NPAS3: variants seen among roughly 807,000 people sequenced by gnomAD.
NPAS3 encodes neuronal PAS domain-containing protein 3.
Under a neutral mutation model 73.1 loss-of-function variants are expected in NPAS3, and 14 were observed. That is an observed-to-expected ratio of 0.19 (90% CI 0.13 to 0.30). The LOEUF (loss-of-function observed/expected upper bound fraction) is 0.30, where lower values mean the gene tolerates loss of function less well. NPAS3 is among the 10% of genes least tolerant of loss of function. NPAS3 has a pLI of 1.00. For missense variants in NPAS3, 1,096 were observed against 1,250.0 expected (o/e 0.88, Z 1.86); for synonymous variants, 620 against 541.5 (o/e 1.14, Z -2.01).
chr14:33,052,457 T>C (rs1247898782), intron 1 of NPAS3, among the ~76,000 whole-genome samples: 1 of 152,190 alleles, frequency 6.6e-6, no homozygotes, highest in African/African-American at 2.4e-5. Flanking sequence ...ATATTAGATA[T>C]ACTCATCCTA....
intron 1 of NPAS3, among the ~76,000 whole-genome samples, chr14:32,944,073 C>T (rs1287627778): frequency 1.3e-5 from 2 of 152,194 alleles, no homozygotes; most frequent in Non-Finnish European, 2.9e-5. Context: ...TCCTTAAGTG[C>T]TTTACTATTA....
chr14:33,690,645 G>A (rs903886833), intron 6 of NPAS3, among the ~76,000 whole-genome samples: 2 of 151,926 alleles, frequency 1.3e-5, no homozygotes, highest in Admixed American at 6.6e-5. Flanking sequence ...GTAAAAGAGA[G>A]GCAGAAACCC....
chr14:33,143,613 G>A (rs1043385805), intron 2 of NPAS3, among the ~76,000 whole-genome samples: 1 of 152,124 alleles, frequency 6.6e-6, no homozygotes, highest in African/African-American at 2.4e-5. Context: ...GAACAATTTA[G>A]TGGCATTAGT....
At chr14:33,309,299 T>A (rs1195523063) in intron 3 of NPAS3, among the ~76,000 whole-genome samples, 2 of 152,202 alleles carry the variant, frequency 1.3e-5, no homozygotes, top group Non-Finnish European at 2.9e-5. Flanking sequence ...TGCAGTCTGC[T>A]CACTCAACTG....
intron 5 of NPAS3, among the ~76,000 whole-genome samples, chr14:33,632,538 G>T (rs192248742): frequency 5.5e-4 from 83 of 152,260 alleles, no homozygotes; most frequent in Admixed American, 1.3e-3. Flanking sequence ...ATGGGTAACT[G>T]AAGTATCCCA....
intron 5 of NPAS3, among the ~76,000 whole-genome samples, chr14:33,638,497 C>T (rs956557803): frequency 6.6e-6 from 1 of 152,250 alleles, no homozygotes; most frequent in Admixed American, 6.5e-5. Flanking sequence ...AAAATAATAA[C>T]ACCAGCTGTG....
chr14:33,583,075 C>G lies in NPAS3; in HGVS notation c.558+22865C>G, dbSNP rs368670012. On this transcript the variant is annotated intron_variant, in intron 5 of 11. Coordinates refer to ENST00000356141, the Ensembl canonical transcript of NPAS3. Reference sequence around the variant, plus strand: ...ACAGAAAGCCCTAGTCTTCTGACACCTTACTTATCACTGTGGGTTGGTGGG... The same window carrying G: ...ACAGAAAGCCCTAGTCTTCTGACACGTTACTTATCACTGTGGGTTGGTGGG... 7.0e-3 allele frequency among the ~76,000 whole-genome samples: 1,033 copies of G among 147,922 alleles called. 13 individuals are homozygous for G. Among genetic ancestry groups the G allele is most frequent in the African/African-American group, 0.025 (991 of 39,048 alleles).
At chr14:33,393,672 G>A (rs1255701690) in intron 4 of NPAS3, among the ~76,000 whole-genome samples, 1 of 152,100 alleles carries the variant, frequency 6.6e-6, no homozygotes, top group African/African-American at 2.4e-5. Flanking sequence ...GCAAAAGAAG[G>A]GCCCCTTGCT....
intron 2 of NPAS3, among the ~76,000 whole-genome samples, chr14:33,147,779 A>G (rs1349140853): frequency 6.8e-6 from 1 of 147,968 alleles, no homozygotes; most frequent in Non-Finnish European, 1.5e-5. Context: ...TTGGATTAAA[A>G]AAAGTATGCA....
intron 5 of NPAS3, among the ~76,000 whole-genome samples, chr14:33,641,745 C>T (rs530665738): frequency 1.3e-5 from 2 of 152,094 alleles, no homozygotes; most frequent in African/African-American, 4.8e-5. Context: ...CTGACACTTC[C>T]TTTCATGAAA....
chr14:33,180,012 T>C (rs2045733789), intron 2 of NPAS3, among the ~76,000 whole-genome samples: 1 of 152,182 alleles, frequency 6.6e-6, no homozygotes, highest in African/African-American at 2.4e-5. Flanking sequence ...CCCAGGAAGA[T>C]GTTTGCCCTC....
chr14:32,938,486 T>A (rs7148873), upstream of NPAS3, among the ~76,000 whole-genome samples: 13,380 of 55,708 alleles, frequency 0.24, 1,341 homozygotes, highest in East Asian at 0.45. Flanking sequence ...AGAGAGAAAT[T>A]GAGAGAGAGA....
chr14:33,290,610 T>C (rs2042061077), intron 3 of NPAS3, among the ~76,000 whole-genome samples: 1 of 152,250 alleles, frequency 6.6e-6, no homozygotes, highest in Non-Finnish European at 1.5e-5. Context: ...TATAATCAAC[T>C]GGTTGTTAGT....
At chr14:33,744,892 G>A (rs532578987) in intron 7 of NPAS3, among the ~76,000 whole-genome samples, 11 of 152,194 alleles carry the variant, frequency 7.2e-5, no homozygotes, top group African/African-American at 2.2e-4. Context: ...TTGGAAAAAT[G>A]GCAGCAATGA....
chr14:33,119,137 T>C (rs965497543), intron 2 of NPAS3, among the ~76,000 whole-genome samples: 7 of 152,072 alleles, frequency 4.6e-5, no homozygotes, highest in Non-Finnish European at 1.0e-4. Context: ...AGGCAAGCAG[T>C]TGGTATCATG....
chr14:33,431,723 C>A (rs896208527), intron 4 of NPAS3, among the ~76,000 whole-genome samples: 3 of 152,008 alleles, frequency 2.0e-5, no homozygotes, highest in Admixed American at 2.0e-4. Context: ...GTAAGGTTGA[C>A]CTGAATGAAG....
chr14:33,682,130 G>A (rs913290560), intron 6 of NPAS3, among the ~76,000 whole-genome samples: 1 of 152,180 alleles, frequency 6.6e-6, no homozygotes, highest in African/African-American at 2.4e-5. Flanking sequence ...TTATCAAACT[G>A]TAAACACACA....
At chr14:33,507,104 G>A (rs2052802561) in intron 4 of NPAS3, among the ~76,000 whole-genome samples, 1 of 151,964 alleles carries the variant, frequency 6.6e-6, no homozygotes, top group Admixed American at 6.6e-5. Flanking sequence ...GATGGACTAT[G>A]ATGTTCATTT....
intron 3 of NPAS3, among the ~76,000 whole-genome samples, chr14:33,290,830 G>A (rs1045190134): frequency 5.3e-5 from 8 of 152,134 alleles, no homozygotes; most frequent in African/African-American, 9.7e-5. Context: ...AATAGAACTC[G>A]GCAGCATCTG....
Sources: gnomAD v4.1 joint callset for allele counts (sites outside exome capture counted in the v4.1 genomes callset) on GRCh38, gnomAD v4.1.1 for gene constraint, MANE v1.5 for transcripts, NCBI Gene and HGNC (gene_info 2026-07-23, HGNC 2026-07-21) for gene names.